SIAE: variants seen among roughly 807,000 people sequenced by gnomAD.
SIAE encodes sialic acid acetylesterase.
In SIAE, 39 loss-of-function variants were observed where a neutral mutation model predicts 52.6. The ratio of observed to expected loss-of-function variants is 0.74; its 90% confidence interval spans 0.57 to 0.97. SIAE has a LOEUF of 0.97. Among genes scored for constraint, SIAE ranks in the 50% least tolerant of loss-of-function variants. SIAE has a pLI of 0.00. For missense variants in SIAE, 592 were observed against 662.1 expected, an observed-to-expected ratio of 0.89 and a Z score of 1.16; for synonymous variants, 233 against 241.4, an observed-to-expected ratio of 0.97 and a Z score of 0.32.
intron 5 of SIAE, 45 bp from the exon 6 acceptor site, chr11:124,648,220 G>A: frequency 6.9e-7 from 1 of 1,445,892 alleles, no homozygotes; most frequent in Non-Finnish European, 9.7e-7. Flanking sequence ...GCCAGTGATT[G>A]ATCACATAAG....
In SIAE at chr11:124,633,242, C is replaced by T. The variant is rs550020329; in HGVS notation, c.*3709G>A. ...GGTTAGTCCCATACTCTATAACAGA[C>T]TTAGTCCTGTCTTTTCATTAGCCAT... On this transcript the variant is annotated 3_prime_UTR_variant, in exon 10 of 10. Transcript: ENST00000263593. 9 of 152,340 alleles carry T rather than the reference C, an allele frequency of 5.9e-5. No individual in the cohort carries two copies. The South Asian group carries it at 1.9e-3, about 32-fold the overall frequency. The allele number at this position is 152,340 out of a possible 1,614,324, so 9.4% of individuals were successfully genotyped here. A position where few individuals can be genotyped will look rare whatever the true frequency, so the allele number is the denominator to read the frequency against.
At chr11:124,666,308 T>C (rs1019204644) in intron 2 of SIAE, among the ~76,000 whole-genome samples, 1 of 152,158 alleles carries the variant, frequency 6.6e-6, no homozygotes. Context: ...GAGTCCTCAT[T>C]AAAATCTAAA....
chr11:124,665,402 A>T (rs1364872087), intron 2 of SIAE, among the ~76,000 whole-genome samples: 1 of 152,224 alleles, frequency 6.6e-6, no homozygotes, highest in Non-Finnish European at 1.5e-5. Flanking sequence ...GAAACAGCAG[A>T]GGTGCTGCCA....
At chr11:124,655,942 A>G (rs972003369) in intron 3 of SIAE, among the ~76,000 whole-genome samples, 1 of 152,336 alleles carries the variant, frequency 6.6e-6, no homozygotes, top group African/African-American at 2.4e-5. Context: ...TGCCAACATG[A>G]TGTCAACAAG....
At chr11:124,644,321 G>A (rs1422678682) in intron 7 of SIAE, among the ~76,000 whole-genome samples, 1 of 125,838 alleles carries the variant, frequency 7.9e-6, no homozygotes, top group African/African-American at 3.3e-5. Context: ...GAAGATCACA[G>A]TAACAACGCC....
At position 124,670,927 on chromosome 11, in the gene SIAE, T is replaced by C. The variant is rs1442366211; in HGVS notation, c.68-1406A>G. The stretch of plus-strand genomic sequence containing the variant: ...CTGCTGGAGGGAAGGGGGAGGCACA[T>C]GTGTGGGAGGGCCTTGTCTTGGGTA... On this transcript the variant is annotated intron_variant, in intron 1 of 9. Coordinates refer to ENST00000263593, the MANE Select transcript of SIAE (RefSeq NM_170601.5). This position sits in a 1 kb window ranked among gnomAD's most constrained non-coding sequence, Gnocchi z 4.5. Among the ~76,000 whole-genome samples the C allele has an allele frequency of 1.3e-5, 2 of 152,000 alleles. No individual in the cohort carries two copies. Among genetic ancestry groups the C allele is most frequent in the South Asian group, 2.1e-4 (1 of 4,824 alleles).
At chr11:124,652,469 T>C (rs1316951526) in intron 4 of SIAE, among the ~76,000 whole-genome samples, 1 of 152,020 alleles carries the variant, frequency 6.6e-6, no homozygotes, top group Non-Finnish European at 1.5e-5. Context: ...AGGCAGATCA[T>C]GGATCACTTG....
At chr11:124,666,043 G>C (rs1037716133) in intron 2 of SIAE, among the ~76,000 whole-genome samples, 6 of 152,020 alleles carry the variant, frequency 3.9e-5, no homozygotes, top group African/African-American at 1.4e-4. Context: ...TTCCCTGCTC[G>C]TATTCCTTGT....
chr11:124,651,696 C>A (rs1943019954), intron 4 of SIAE, among the ~76,000 whole-genome samples: 1 of 152,176 alleles, frequency 6.6e-6, no homozygotes, highest in African/African-American at 2.4e-5. Context: ...TAAACACTGA[C>A]CTCCCCGCCC....
chr11:124,672,560 T>G lies in SIAE; in HGVS notation c.67+1082A>C, dbSNP rs74425793. On this transcript the variant is annotated intron_variant, in intron 1 of 9. Coordinates refer to ENST00000263593, the MANE Select transcript of SIAE (RefSeq NM_170601.5). ...GTGATCAATGTTAATGAAGGTGATGTAACAATAAGACCCAAAGGAGGAGAT... is the reference window on the plus strand; with the variant it reads ...GTGATCAATGTTAATGAAGGTGATGGAACAATAAGACCCAAAGGAGGAGAT... 3.3e-5 allele frequency among the ~76,000 whole-genome samples: 5 copies of G among 152,328 alleles called. No homozygotes were observed. In the East Asian group the frequency reaches 9.6e-4, roughly 29 times the overall value.
rs1942955714 is a variant in SIAE at position 124,647,480 on chromosome 11, T to C, written c.851A>G (p.Tyr284Cys). ...TGTGCAATTGTACAGATCCGTGTTATAATTTATATTGGACTCCCCTAAAAA... is the reference window on the plus strand; with the variant it reads ...TGTGCAATTGTACAGATCCGTGTTACAATTTATATTGGACTCCCCTAAAAA... ...VWYQGESNIN[Y>C]NTDLYNCTFP... Residue 284 changes from tyrosine to cysteine, a missense_variant, in exon 7 of 10, where the codon TAT becomes TGT. Tyr to Cys is a radical substitution (Grantham distance 194). Coordinates refer to ENST00000263593, the MANE Select transcript of SIAE (RefSeq NM_170601.5). The C allele has an allele frequency of 6.2e-7, 1 of 1,614,044 alleles. No homozygotes were observed. Among genetic ancestry groups the C allele is most frequent in the Non-Finnish European group, 8.5e-7 (1 of 1,180,032 alleles).
rs759948752 is a variant in SIAE at position 124,669,368 on chromosome 11, C to T, written c.221G>A (p.Ser74Asn). The change falls in exon 2 of 10, where the codon AGT (serine) becomes AAT (asparagine). Residue 74 changes from serine (S) to asparagine (N), a missense_variant. Coordinates refer to ENST00000263593, the MANE Select transcript of SIAE (RefSeq NM_170601.5). Reference protein sequence around the residue: ...GQETIMKKVTSVKAHSDTWMV... With the variant: ...GQETIMKKVTNVKAHSDTWMV... Reference sequence around the variant, plus strand: ...AAGATGGGCTGCCTTACCTTTCACACTGGTCACTTTCTTCATGATGGTTTC... The same window carrying T: ...AAGATGGGCTGCCTTACCTTTCACATTGGTCACTTTCTTCATGATGGTTTC... 4 of 1,614,038 alleles carry T rather than the reference C, an allele frequency of 2.5e-6. No homozygotes were observed. In the African/African-American group the frequency reaches 4.0e-5, roughly 16 times the overall value.
At chr11:124,642,843 C>A (rs534701952) in intron 7 of SIAE, among the ~76,000 whole-genome samples, 14 of 152,272 alleles carry the variant, frequency 9.2e-5, no homozygotes, top group African/African-American at 2.9e-4. Context: ...CAGGTGAGTC[C>A]TTTCAAAGAG....
chr11:124,664,374 G>A (rs903982716), intron 2 of SIAE, among the ~76,000 whole-genome samples: 2 of 152,018 alleles, frequency 1.3e-5, no homozygotes, highest in African/African-American at 4.8e-5. Context: ...TGGGACTACA[G>A]GTGCGCACCA....
intron 3 of SIAE, among the ~76,000 whole-genome samples, chr11:124,657,055 G>T (rs959593523): frequency 6.6e-6 from 1 of 152,146 alleles, no homozygotes; most frequent in African/African-American, 2.4e-5. Context: ...CAATAAGATG[G>T]CCAGATGGAA....
Position 124,638,632 on chromosome 11 carries a change from C to T in SIAE, c.1230G>A (p.Glu410=). 1 of 1,614,158 alleles carries T rather than the reference C, an allele frequency of 6.2e-7. No homozygotes were observed. Among genetic ancestry groups the T allele is most frequent in the Non-Finnish European group, 8.5e-7 (1 of 1,180,034 alleles). Reference sequence around the variant, plus strand: ...CCTTGTGAGCCAAGAGTTCTATCTTCTCAGGCAGTGGTCCTTCAAAGGTCA... The same window carrying T: ...CCTTGTGAGCCAAGAGTTCTATCTTTTCAGGCAGTGGTCCTTCAAAGGTCA... ...KNLTFEGPLP[E]KIELLAHKGL... is the part of the protein sequence containing the mutation. Residue 410 remains glutamate (E), a synonymous_variant, in exon 9 of 10, where the codon GAG becomes GAA. Coordinates refer to ENST00000263593, the MANE Select transcript of SIAE (RefSeq NM_170601.5).
rs376907936 is a variant in SIAE, at chr11:124,670,543, C to A, written c.68-1022G>T. Among the ~76,000 whole-genome samples, 1 of 152,092 alleles carries A rather than the reference C, an allele frequency of 6.6e-6. No homozygotes were observed. Among genetic ancestry groups the A allele is most frequent in the Non-Finnish European group, 1.5e-5 (1 of 68,006 alleles). ...CTAAAATAATTAACAAAATTTAGATCTTTTTAAGCATTTTAAACAAAAATG... is the reference window on the plus strand; with the variant it reads ...CTAAAATAATTAACAAAATTTAGATATTTTTAAGCATTTTAAACAAAAATG... On this transcript the variant is annotated intron_variant, in intron 1 of 9. Coordinates refer to ENST00000263593, the MANE Select transcript of SIAE (RefSeq NM_170601.5). The surrounding 1 kb of genome is among the most constrained non-coding windows in gnomAD (Gnocchi z 4.5).
At chr11:124,662,628 G>C (rs1017517698) in intron 2 of SIAE, among the ~76,000 whole-genome samples, 1 of 152,080 alleles carries the variant, frequency 6.6e-6, no homozygotes, top group Non-Finnish European at 1.5e-5. Context: ...AAACTATTTA[G>C]GCCAAACATA....
chr11:124,637,247 C>T (rs1942764381), intron 9 of SIAE, 45 bp from the exon 10 acceptor site: 2 of 1,613,306 alleles, frequency 1.2e-6, no homozygotes, highest in South Asian at 1.1e-5. Flanking sequence ...TCAGAAGGGT[C>T]TTCCAAGAAA....
Sources: allele counts gnomAD v4.1 joint callset (sites outside exome capture counted in the v4.1 genomes callset), GRCh38; gene constraint gnomAD v4.1.1; non-coding constraint Gnocchi (gnomAD v3.1); transcripts MANE v1.5; gene names NCBI Gene and HGNC (gene_info 2026-07-23, HGNC 2026-07-21).